MB21D2: variants seen among roughly 807,000 people sequenced by gnomAD.
The protein encoded by MB21D2 is nucleotidyltransferase MB21D2.
In MB21D2, 9 loss-of-function variants were observed where a neutral mutation model predicts 33.3. That is an observed-to-expected ratio of 0.27 (90% CI 0.16 to 0.47). The LOEUF (loss-of-function observed/expected upper bound fraction) is 0.47. Ranked by LOEUF, MB21D2 falls within the 20% of genes least tolerant of loss-of-function variation. The pLI, the probability that MB21D2 is intolerant of heterozygous loss-of-function variation, is 0.99. For synonymous variants in MB21D2, 241 were observed against 236.3 expected, an observed-to-expected ratio of 1.02 and a Z score of -0.18; for missense variants, 540 against 624.6, an observed-to-expected ratio of 0.86 and a Z score of 1.44.
chr3:192,807,117 A>AT (rs1711681571), intron 1 of MB21D2, among the ~76,000 whole-genome samples: 1 of 152,114 alleles, frequency 6.6e-6, no homozygotes, highest in African/African-American at 2.4e-5. Context: ...TTATCAATAT[A>AT]TTTTTTCCCA....
At chr3:192,907,655 C>G (rs1714242085) in intron 1 of MB21D2, among the ~76,000 whole-genome samples, 1 of 152,116 alleles carries the variant, frequency 6.6e-6, no homozygotes, top group African/African-American at 2.4e-5. Flanking sequence ...AATACCATAC[C>G]AAATGTGAAT....
intron 1 of MB21D2, among the ~76,000 whole-genome samples, chr3:192,842,442 C>T (rs1322914308): frequency 6.6e-6 from 1 of 152,216 alleles, no homozygotes; most frequent in Non-Finnish European, 1.5e-5. Flanking sequence ...CAATGCATTG[C>T]ACCACAAAAT....
At chr3:192,898,782 C>T (rs927330436) in intron 1 of MB21D2, among the ~76,000 whole-genome samples, 8 of 152,180 alleles carry the variant, frequency 5.3e-5, no homozygotes, top group Admixed American at 2.0e-4. Context: ...AAACCTGTGA[C>T]GCTAGAAGGC....
Position 192,798,403 on chromosome 3 carries a change from C to G in MB21D2, c.1459G>C (p.Asp487His). ...GCTAACACTCAGAAAAATTTGTCAT[C>G]AATTCTGAAATGGGGCCTTGTGACA... Reference protein sequence around the residue: ...DDVTRPHFRIDDKFF With the variant: ...DDVTRPHFRIHDKFF The change falls in exon 2 of 2, where the codon GAT becomes CAT. Residue 487 changes from aspartate (D) to histidine (H), a missense_variant. By Grantham distance (81) the Asp-to-His change is moderately conservative (BLOSUM62 -1). Coordinates refer to ENST00000392452, the MANE Select transcript of MB21D2 (RefSeq NM_178496.4). This position sits in a 1 kb window ranked among gnomAD's most constrained non-coding sequence, Gnocchi z 4.8. 2 of 1,612,888 alleles carry G rather than the reference C, an allele frequency of 1.2e-6. No homozygotes were observed. Among genetic ancestry groups the G allele is most frequent in the African/African-American group, 1.3e-5 (1 of 75,022 alleles).
At chr3:192,914,701 C>T (rs1714425405) in intron 1 of MB21D2, among the ~76,000 whole-genome samples, 1 of 152,096 alleles carries the variant, frequency 6.6e-6, no homozygotes, top group South Asian at 2.1e-4. Context: ...TTGCAGCTAA[C>T]ACCTGCCTCC....
Position 192,798,947 on chromosome 3 carries a change from G to A in MB21D2, c.915C>T (p.Ser305=). Residue 305 remains serine, a synonymous_variant, in exon 2 of 2, where the codon AGC becomes AGT. Coordinates refer to ENST00000392452, the MANE Select transcript of MB21D2 (RefSeq NM_178496.4). The surrounding 1 kb of genome is among the most constrained non-coding windows in gnomAD (Gnocchi z 4.8). ...EVQLKKCISS[S]LMQAYQACKA... Reference sequence around the variant, plus strand: ...TGCAGGCCTGATAGGCCTGCATGAGGCTGCTGGAGATGCACTTCTTCAACT... The same window carrying A: ...TGCAGGCCTGATAGGCCTGCATGAGACTGCTGGAGATGCACTTCTTCAACT... 1 of 1,613,992 alleles carries A rather than the reference G, an allele frequency of 6.2e-7. No homozygotes were observed. The highest frequency in any genetic ancestry group is 8.5e-7 in the Non-Finnish European group (1 of 1,179,962).
At chr3:192,909,624 T>G (rs1428519575) in intron 1 of MB21D2, among the ~76,000 whole-genome samples, 1 of 151,964 alleles carries the variant, frequency 6.6e-6, no homozygotes, top group Non-Finnish European at 1.5e-5. Flanking sequence ...TGGACCCAGG[T>G]TAGGGAACTC....
intron 1 of MB21D2, among the ~76,000 whole-genome samples, chr3:192,907,979 C>G (rs543088056): frequency 2.6e-5 from 4 of 152,128 alleles, no homozygotes; most frequent in Non-Finnish European, 5.9e-5. Flanking sequence ...GTTTGCTGTT[C>G]CCAGTCAACA....
intron 1 of MB21D2, among the ~76,000 whole-genome samples, chr3:192,896,997 C>G (rs890276097): frequency 1.3e-5 from 2 of 152,076 alleles, no homozygotes; most frequent in Admixed American, 6.5e-5. Flanking sequence ...AATGAACCAT[C>G]AAGGTGAAAC....
intron 1 of MB21D2, among the ~76,000 whole-genome samples, chr3:192,899,354 C>A (rs1419703158): frequency 6.6e-6 from 1 of 152,108 alleles, no homozygotes; most frequent in Non-Finnish European, 1.5e-5. Context: ...CATGGTGAAA[C>A]CCCGTCTCTA....
intron 1 of MB21D2, among the ~76,000 whole-genome samples, chr3:192,834,308 C>G (rs2108622065): frequency 6.8e-6 from 1 of 148,088 alleles, no homozygotes; most frequent in Non-Finnish European, 1.5e-5. Flanking sequence ...CAAAGCGAGA[C>G]TGCATCTCAA....
In MB21D2 at chr3:192,840,785, G is replaced by A. The variant is rs1577179903; in HGVS notation, c.212-41135C>T. 3.3e-5 allele frequency among the ~76,000 whole-genome samples: 5 copies of A among 152,216 alleles called. No homozygotes were observed. The South Asian group carries it at 8.3e-4, about 25-fold the overall frequency. On this transcript the variant is annotated intron_variant, in intron 1 of 1. Coordinates refer to ENST00000392452, the MANE Select transcript of MB21D2 (RefSeq NM_178496.4). ...GAACAGATGAAGACCAGGAAGATGA[G>A]GTTTTAGTTGGTTAAGACAACTTCT...
chr3:192,837,468 C>T (rs961385596), intron 1 of MB21D2, among the ~76,000 whole-genome samples: 2 of 152,260 alleles, frequency 1.3e-5, no homozygotes, highest in East Asian at 3.9e-4. Context: ...AAGGGGAGAA[C>T]GAGCTGCGGA....
intron 1 of MB21D2, among the ~76,000 whole-genome samples, chr3:192,906,271 G>A (rs1404563900): frequency 2.0e-5 from 3 of 151,998 alleles, no homozygotes; most frequent in South Asian, 2.1e-4. Context: ...CTCCACCCCC[G>A]CCATCCCTGC....
In MB21D2 at chr3:192,890,178, C is replaced by G. The variant is rs147854036; in HGVS notation, c.211+27452G>C. ...AATAGTGGAGCATGTCCCTGCTTCC[C>G]TCACAGAACAGGTATGTAGGTCCAT... On this transcript the variant is annotated intron_variant, in intron 1 of 1. Coordinates refer to ENST00000392452, the MANE Select transcript of MB21D2 (RefSeq NM_178496.4). Among the ~76,000 whole-genome samples the G allele has an allele frequency of 6.8e-3, 1,033 of 152,166 alleles. 19 individuals are homozygous for G. Among genetic ancestry groups the G allele is most frequent in the African/African-American group, 0.024 (986 of 41,460 alleles).
chr3:192,880,863 A>G lies in MB21D2; in HGVS notation c.211+36767T>C, dbSNP rs148812191. 4.2e-3 allele frequency among the ~76,000 whole-genome samples: 634 copies of G among 152,298 alleles called. 7 individuals carry two copies. The highest frequency in any genetic ancestry group is 0.015 in the African/African-American group (607 of 41,512). On this transcript the variant is annotated intron_variant, in intron 1 of 1. Coordinates refer to ENST00000392452, the MANE Select transcript of MB21D2 (RefSeq NM_178496.4). ...TATGAATAAAATATAAACCAATAGG[A>G]AATATTTTCATTAGTGCTTAAGATG...
chr3:192,848,399 T>A (rs1384781198), intron 1 of MB21D2, among the ~76,000 whole-genome samples: 1 of 152,158 alleles, frequency 6.6e-6, no homozygotes, highest in African/African-American at 2.4e-5. Context: ...TTCAAAAAAC[T>A]CTGGCCCAGG....
chr3:192,835,851 A>G (rs1712425857), intron 1 of MB21D2, among the ~76,000 whole-genome samples: 1 of 152,112 alleles, frequency 6.6e-6, no homozygotes. Context: ...GGGAAAAAAA[A>G]AAAAAAGGCC....
At chr3:192,900,307 A>G (rs13073842) in intron 1 of MB21D2, among the ~76,000 whole-genome samples, 74,472 of 142,946 alleles carry the variant, frequency 0.52, 20,001 homozygotes, top group Non-Finnish European at 0.54. Context: ...AAAAAAAAAA[A>G]ATCACAGAAA....
Sources: gnomAD v4.1 joint callset for allele counts (sites outside exome capture counted in the v4.1 genomes callset) on GRCh38, gnomAD v4.1.1 for gene constraint, Gnocchi (gnomAD v3.1) non-coding constraint, MANE v1.5 for transcripts, NCBI Gene and HGNC (gene_info 2026-07-23, HGNC 2026-07-21) for gene names.